Variants in TENM2 observed in about 807,000 individuals in gnomAD.
TENM2 encodes teneurin transmembrane protein 2, also known as teneurin-2.
Under a neutral mutation model 245.2 loss-of-function variants are expected in TENM2, and 52 were observed. That is an observed-to-expected ratio of 0.21 (90% CI 0.17 to 0.27). The LOEUF is 0.27. TENM2 is among the 10% of genes least tolerant of loss of function. TENM2 has a pLI of 1.00. For missense variants in TENM2, 3,046 were observed against 3,666.8 expected (o/e 0.83, Z 4.37); for synonymous variants, 1,363 against 1,438.9 (o/e 0.95, Z 1.19).
intron 2 of TENM2, among the ~76,000 whole-genome samples, chr5:167,479,310 C>T (rs1251082812): frequency 1.3e-5 from 2 of 152,102 alleles, no homozygotes. Context: ...GAAATTCCTT[C>T]ATAAGTTATT....
upstream of TENM2, among the ~76,000 whole-genome samples, chr5:167,280,022 T>C (rs1392514261): frequency 6.6e-6 from 1 of 152,172 alleles, no homozygotes; most frequent in African/African-American, 2.4e-5. Flanking sequence ...TACTTAAACC[T>C]TCTATTTTAG....
intron 1 of TENM2, among the ~76,000 whole-genome samples, chr5:167,291,033 A>G (rs1467929965): frequency 6.6e-6 from 1 of 152,172 alleles, no homozygotes; most frequent in Non-Finnish European, 1.5e-5. Flanking sequence ...ATATGTCTAT[A>G]TTTTTTGATA....
intron 2 of TENM2, among the ~76,000 whole-genome samples, chr5:167,721,841 A>G (rs1392335748): frequency 6.6e-6 from 1 of 152,132 alleles, no homozygotes; most frequent in Non-Finnish European, 1.5e-5. Flanking sequence ...ATTTCCTTCC[A>G]TTTCCAATGC....
At chr5:167,278,650 T>C in the TENM2 span, among the ~76,000 whole-genome samples, 1 of 152,284 alleles carries the variant, frequency 6.6e-6, no homozygotes, top group Non-Finnish European at 1.5e-5. Context: ...CACAGTCTAC[T>C]CCTTTCATCA....
chr5:167,234,495 A>G, the TENM2 span, among the ~76,000 whole-genome samples: 1 of 152,330 alleles, frequency 6.6e-6, no homozygotes, highest in East Asian at 1.9e-4. Context: ...AAATAGAACC[A>G]CATACTATTT....
At chr5:167,434,141 G>A (rs1420529762) in intron 2 of TENM2, among the ~76,000 whole-genome samples, 1 of 151,792 alleles carries the variant, frequency 6.6e-6, no homozygotes, top group Non-Finnish European at 1.5e-5. Context: ...GATAATTAGG[G>A]CTGGGCGCAG....
intron 2 of TENM2, among the ~76,000 whole-genome samples, chr5:167,395,674 A>C (rs1397819076): frequency 6.6e-6 from 1 of 152,156 alleles, no homozygotes; most frequent in Non-Finnish European, 1.5e-5. Context: ...AAGTTCTTGG[A>C]AATTGTAACT....
At chr5:167,507,550 G>C (rs1179381346) in intron 2 of TENM2, among the ~76,000 whole-genome samples, 1 of 152,084 alleles carries the variant, frequency 6.6e-6, no homozygotes, top group African/African-American at 2.4e-5. Context: ...CCTTCAATTC[G>C]AGATGAATGT....
chr5:167,062,323 G>A, the TENM2 span, among the ~76,000 whole-genome samples: 1 of 152,058 alleles, frequency 6.6e-6, no homozygotes, highest in East Asian at 1.9e-4. Flanking sequence ...TGGCTGAGAC[G>A]TGGGTTAAAG....
intron 2 of TENM2, among the ~76,000 whole-genome samples, chr5:167,463,997 T>C (rs1766489457): frequency 1.3e-5 from 2 of 152,114 alleles, no homozygotes; most frequent in African/African-American, 2.4e-5. Context: ...ACTGAAATCT[T>C]AGGTGGGAGG....
At chr5:167,894,458 C>A (rs1222980159) in intron 3 of TENM2, among the ~76,000 whole-genome samples, 1 of 51,598 alleles carries the variant, frequency 1.9e-5, no homozygotes, top group African/African-American at 4.3e-5. Context: ...TTTCTCTCCC[C>A]ACTCTGTGAC....
chr5:167,772,960 C>T (rs935098285), intron 2 of TENM2, among the ~76,000 whole-genome samples: 44 of 152,144 alleles, frequency 2.9e-4, no homozygotes, highest in Middle Eastern at 3.4e-3. Context: ...CAAACAGAGT[C>T]AAAATATCAG....
intron 3 of TENM2, among the ~76,000 whole-genome samples, chr5:167,907,569 ATATG>A (rs1381164241): frequency 1.4e-4 from 15 of 108,274 alleles, no homozygotes; most frequent in Non-Finnish European, 2.6e-4. Context: ...ATATATATAT[ATATG>A]TATGTATTAT....
intron 3 of TENM2, among the ~76,000 whole-genome samples, chr5:167,904,904 T>A (rs567677177): frequency 1.3e-5 from 2 of 152,316 alleles, no homozygotes; most frequent in East Asian, 3.9e-4. Flanking sequence ...GGGTCTGTGG[T>A]TGAGTCAAAA....
At chr5:167,726,731 T>C (rs1460393865) in intron 2 of TENM2, among the ~76,000 whole-genome samples, 1 of 152,186 alleles carries the variant, frequency 6.6e-6, no homozygotes, top group African/African-American at 2.4e-5. Context: ...AATGCTGAGA[T>C]TGTAGACATG....
At chr5:167,597,165 C>CTT (rs34227363) in intron 2 of TENM2, among the ~76,000 whole-genome samples, 1,183 of 53,758 alleles carry the variant, frequency 0.022, 28 homozygotes, top group African/African-American at 0.039. Context: ...CTTTTCTTTT[C>CTT]TTTTTTTTTT....
At chr5:167,680,265 C>T (rs996914437) in intron 2 of TENM2, among the ~76,000 whole-genome samples, 4 of 150,682 alleles carry the variant, frequency 2.7e-5, no homozygotes, top group African/African-American at 9.8e-5. Flanking sequence ...AAAATAGCCA[C>T]AAGTAGGGAC....
chr5:168,192,657 A>G (rs1761059550), intron 14 of TENM2, among the ~76,000 whole-genome samples: 1 of 152,214 alleles, frequency 6.6e-6, no homozygotes, highest in African/African-American at 2.4e-5. Flanking sequence ...AATAAAAGAA[A>G]CCACAGATCT....
chr5:167,793,157 C>T (rs1165168182), intron 2 of TENM2, among the ~76,000 whole-genome samples: 2 of 152,142 alleles, frequency 1.3e-5, no homozygotes, highest in East Asian at 1.9e-4. Flanking sequence ...CTCACCTTCA[C>T]TTCTGAGGTA....
Sources: gnomAD v4.1 joint callset for allele counts (sites outside exome capture counted in the v4.1 genomes callset) on GRCh38, gnomAD v4.1.1 for gene constraint, MANE v1.5 for transcripts, NCBI Gene and HGNC (gene_info 2026-07-23, HGNC 2026-07-21) for gene names.